Variants in EXOC2 observed in about 807,000 individuals in gnomAD.
EXOC2 encodes the protein SEC5-like 1.
EXOC2 carries 70 observed loss-of-function variants against 131.8 expected under a neutral mutation model. The ratio of observed to expected loss-of-function variants is 0.53; its 90% CI spans 0.44 to 0.65. EXOC2 has a LOEUF of 0.65. Ranked by LOEUF, EXOC2 falls within the 30% of genes least tolerant of loss-of-function variation. EXOC2 has a pLI of 0.00. For synonymous variants in EXOC2, 411 were observed against 398.4 expected, an observed-to-expected ratio of 1.03 and a Z score of -0.38; for missense variants, 923 against 1,108.6, an observed-to-expected ratio of 0.83 and a Z score of 2.38.
intron 4 of EXOC2, among the ~76,000 whole-genome samples, chr6:622,567 G>A (rs1160834924): frequency 1.3e-5 from 2 of 152,196 alleles, no homozygotes; most frequent in African/African-American, 4.8e-5. Flanking sequence ...ACGCAAGAAA[G>A]TATAAAATGC....
intron 3 of EXOC2, among the ~76,000 whole-genome samples, chr6:632,512 A>T (rs1761905996): frequency 6.6e-6 from 1 of 152,242 alleles, no homozygotes. Context: ...GAAATGTATC[A>T]TCTGGGCCTT....
chr6:654,332 C>T (rs1008143044), intron 1 of EXOC2, among the ~76,000 whole-genome samples: 1 of 152,134 alleles, frequency 6.6e-6, no homozygotes, highest in Non-Finnish European at 1.5e-5. Flanking sequence ...GGAAAGGATT[C>T]ATCATTCTAG....
chr6:641,820 C>T (rs1360580301), intron 1 of EXOC2, among the ~76,000 whole-genome samples: 1 of 152,162 alleles, frequency 6.6e-6, no homozygotes, highest in Non-Finnish European at 1.5e-5. Context: ...CTGCAACAGA[C>T]GTATAACTGG....
chr6:638,482 TA>T, intron 1 of EXOC2, among the ~76,000 whole-genome samples: 1 of 152,228 alleles, frequency 6.6e-6, no homozygotes, highest in Non-Finnish European at 1.5e-5. Context: ...TGTGTTCAAG[TA>T]CTGCTGCTCC....
intron 11 of EXOC2, among the ~76,000 whole-genome samples, chr6:588,726 G>A (rs76647467): frequency 0.02 from 2,991 of 152,216 alleles, 77 homozygotes; most frequent in African/African-American, 0.056. Context: ...ACATTCTTTC[G>A]ATTATTTCCC....
At chr6:667,968 T>G (rs1763692139) in intron 1 of EXOC2, among the ~76,000 whole-genome samples, 1 of 152,192 alleles carries the variant, frequency 6.6e-6, no homozygotes, top group South Asian at 2.1e-4. Context: ...ACTGGGTTTT[T>G]TTCTTTCAGC....
intron 1 of EXOC2, among the ~76,000 whole-genome samples, chr6:649,564 C>T (rs1267680103): frequency 6.6e-6 from 1 of 152,206 alleles, no homozygotes; most frequent in African/African-American, 2.4e-5. Flanking sequence ...TGTTAATTCA[C>T]CAAGTATTTC....
At chr6:593,009 G>A (rs940220399) in intron 10 of EXOC2, among the ~76,000 whole-genome samples, 2 of 152,110 alleles carry the variant, frequency 1.3e-5, no homozygotes, top group African/African-American at 2.4e-5. Flanking sequence ...CAGCCTGGGC[G>A]ACAGAGTGAG....
intron 1 of EXOC2, among the ~76,000 whole-genome samples, chr6:685,867 C>CCCTTTTTT (rs1764620724): frequency 8.2e-6 from 1 of 121,426 alleles, no homozygotes; most frequent in African/African-American, 3.2e-5. Context: ...TTTCCTGGAC[C>CCCTTTTTT]TCTTTTTTTT....
intron 1 of EXOC2, chr6:656,657 G>T: frequency 6.2e-7 from 1 of 1,606,932 alleles, no homozygotes; most frequent in East Asian, 2.2e-5. Flanking sequence ...GGGAGGACGC[G>T]CCCGCTGCGC....
intron 6 of EXOC2, among the ~76,000 whole-genome samples, chr6:616,702 A>C (rs1026305896): frequency 5.9e-5 from 9 of 151,582 alleles, no homozygotes; most frequent in Admixed American, 5.9e-4. Flanking sequence ...AGGTCAATTA[A>C]GTATATATGG....
At chr6:620,446 C>T (rs543995687) in intron 4 of EXOC2, among the ~76,000 whole-genome samples, 8 of 152,274 alleles carry the variant, frequency 5.3e-5, no homozygotes, top group East Asian at 3.9e-4. Context: ...TTACTTTGTT[C>T]GTCTGATTTG....
At chr6:654,525 C>T (rs1280115467) in intron 1 of EXOC2, among the ~76,000 whole-genome samples, 3 of 152,054 alleles carry the variant, frequency 2.0e-5, no homozygotes, top group Non-Finnish European at 4.4e-5. Context: ...AGAGGCTGGG[C>T]ATGGTGGCTC....
At chr6:581,022 G>A (rs977720533) in intron 11 of EXOC2, among the ~76,000 whole-genome samples, 4 of 152,136 alleles carry the variant, frequency 2.6e-5, no homozygotes, top group African/African-American at 9.7e-5. Flanking sequence ...GGCCGGGCGC[G>A]GTGGCTCATG....
In EXOC2 at chr6:550,690, C is replaced by T. The variant is rs532698723; in HGVS notation, c.2122-1399G>A. Among the ~76,000 whole-genome samples the T allele has an allele frequency of 6.4e-4, 97 of 152,310 alleles. 1 individual carries two copies. The highest frequency in any genetic ancestry group is 2.1e-3 in the African/African-American group (88 of 41,564). ...CGCCCAGGTGAGGGAGGGACGAGGA[C>T]GCTACATTCCCCTCCAGTCCCCGGG... On this transcript the variant is annotated intron_variant, in intron 21 of 27. Transcript: ENST00000230449.
At chr6:566,427 C>G (rs1192873469) in intron 13 of EXOC2, among the ~76,000 whole-genome samples, 1 of 152,180 alleles carries the variant, frequency 6.6e-6, no homozygotes, top group Non-Finnish European at 1.5e-5. Flanking sequence ...GACAGGCCGC[C>G]TGAAGGAGAA....
At chr6:603,826 T>C (rs1276115582) in intron 7 of EXOC2, among the ~76,000 whole-genome samples, 1 of 152,168 alleles carries the variant, frequency 6.6e-6, no homozygotes, top group Non-Finnish European at 1.5e-5. Flanking sequence ...AATCTGTGTT[T>C]CAAGATGTGT....
rs369444592 is a variant in EXOC2 at position 596,257 on chromosome 6, C to T, written c.1073+1764G>A. 1.4e-4 allele frequency among the ~76,000 whole-genome samples: 22 copies of T among 151,896 alleles called. No homozygotes were observed. The East Asian group carries it at 2.9e-3, about 20-fold the overall frequency. On this transcript the variant is annotated intron_variant, in intron 10 of 27. Coordinates refer to ENST00000230449, the MANE Select transcript of EXOC2 (RefSeq NM_018303.6). The stretch of plus-strand genomic sequence containing the variant: ...AATACTAGTGTGCTGCCAATGACGA[C>T]GGCTCATACTCCCGCCGTACGCCTC...
chr6:600,745 TAGAG>T (rs1322830344), intron 7 of EXOC2, among the ~76,000 whole-genome samples: 2 of 147,172 alleles, frequency 1.4e-5, no homozygotes, highest in Non-Finnish European at 1.5e-5. Context: ...TTAAATAAAA[TAGAG>T]ACAGAGAAAA....
Sources: allele counts gnomAD v4.1 joint callset (sites outside exome capture counted in the v4.1 genomes callset), GRCh38; gene constraint gnomAD v4.1.1; transcripts MANE v1.5; gene names NCBI Gene and HGNC (gene_info 2026-07-23, HGNC 2026-07-21).